Variants in PCDH11X observed in about 807,000 individuals in gnomAD.
PCDH11X encodes the protein protocadherin 11 X-linked.
PCDH11X carries 18 observed loss-of-function variants against 53.3 expected under a neutral mutation model. That is an observed-to-expected ratio of 0.34 (90% CI 0.23 to 0.50). The LOEUF is 0.50. Ranked by LOEUF, PCDH11X falls within the 20% of genes least tolerant of loss-of-function variation. PCDH11X has a pLI of 0.98. For missense variants in PCDH11X, 570 were observed against 1,032.4 expected (o/e 0.55, Z 6.14); for synonymous variants, 279 against 393.3 (o/e 0.71, Z 3.44).
chrX:91,976,897 G>T (rs2062054324), intron 6 of PCDH11X, among the ~76,000 whole-genome samples: 1 of 111,637 alleles, frequency 9.0e-6, no homozygotes, highest in Admixed American at 9.6e-5. Context: ...AATTATTTGT[G>T]ATCAGGTTAG....
chrX:92,214,210 T>C (rs936838896), intron 7 of PCDH11X, among the ~76,000 whole-genome samples: 1 of 111,802 alleles, frequency 8.9e-6, no homozygotes, highest in African/African-American at 3.2e-5. Context: ...GCATTTTGGG[T>C]GAAGGTATGA....
At chrX:91,837,596 T>C in intron 5 of PCDH11X, among the ~76,000 whole-genome samples, 1 of 111,751 alleles carries the variant, frequency 8.9e-6, no homozygotes, top group Middle Eastern at 4.7e-3. Flanking sequence ...ATGATAATTA[T>C]CACAGGGGCA....
chrX:92,579,356 A>G (rs1045860798), intron 10 of PCDH11X, among the ~76,000 whole-genome samples: 22 of 107,840 alleles, frequency 2.0e-4, no homozygotes, highest in Non-Finnish European at 3.1e-4. Flanking sequence ...ACTTGATTCC[A>G]TTTCCCTCCT....
At chrX:92,570,692 A>G (rs1316702021) in intron 10 of PCDH11X, among the ~76,000 whole-genome samples, 4 of 101,349 alleles carry the variant, frequency 3.9e-5, no homozygotes, top group East Asian at 6.1e-4. Context: ...GTACTCCAGC[A>G]TAATATTTTT....
At chrX:91,795,923 A>G (rs1400370081) in intron 1 of PCDH11X, among the ~76,000 whole-genome samples, 1 of 111,951 alleles carries the variant, frequency 8.9e-6, no homozygotes, top group East Asian at 2.8e-4. Context: ...TTGCTTATTT[A>G]CAGAAAAATA....
intron 6 of PCDH11X, among the ~76,000 whole-genome samples, chrX:91,941,083 A>C (rs1385965683): frequency 9.0e-6 from 1 of 111,159 alleles, no homozygotes; most frequent in Non-Finnish European, 1.9e-5. Flanking sequence ...TTGTAATTCA[A>C]AGGATAAATG....
intron 10 of PCDH11X, among the ~76,000 whole-genome samples, chrX:92,563,520 C>T (rs1486339791): frequency 9.0e-6 from 1 of 111,029 alleles, no homozygotes; most frequent in Non-Finnish European, 1.9e-5. Flanking sequence ...TCCTGGAAAC[C>T]TTACAGGCCA....
intron 6 of PCDH11X, among the ~76,000 whole-genome samples, chrX:92,154,390 G>T (rs906262368): frequency 1.8e-5 from 2 of 109,574 alleles, no homozygotes; most frequent in African/African-American, 6.9e-5. Context: ...ATCTAATTTT[G>T]TCAGTTTTTC....
chrX:92,172,280 A>G (rs766078400), intron 6 of PCDH11X, among the ~76,000 whole-genome samples: 4 of 106,516 alleles, frequency 3.8e-5, no homozygotes, highest in Non-Finnish European at 7.7e-5. Flanking sequence ...TATTTCATAG[A>G]TGTCCTTTAT....
chrX:92,584,034 CAAT>C (rs1332062876), intron 10 of PCDH11X, among the ~76,000 whole-genome samples: 74 of 109,743 alleles, frequency 6.7e-4, no homozygotes, highest in African/African-American at 2.4e-3. Flanking sequence ...TTTGATGAGA[CAAT>C]GATGAAATAA....
intron 6 of PCDH11X, among the ~76,000 whole-genome samples, chrX:92,180,807 T>A (rs1206781225): frequency 8.9e-6 from 1 of 111,764 alleles, no homozygotes; most frequent in Non-Finnish European, 1.9e-5. Context: ...CTTATGGCCT[T>A]CCGCCATGAT....
chrX:91,871,048 A>C (rs748590505), intron 5 of PCDH11X, among the ~76,000 whole-genome samples: 1 of 110,485 alleles, frequency 9.1e-6, no homozygotes, highest in East Asian at 2.8e-4. Flanking sequence ...GAAGTAGTGC[A>C]TAGACTCTAA....
chrX:91,886,845 C>A (rs1294874556), intron 6 of PCDH11X, among the ~76,000 whole-genome samples: 13 of 107,450 alleles, frequency 1.2e-4, no homozygotes, highest in African/African-American at 3.7e-4. Flanking sequence ...GTGGCGGGCG[C>A]CTGTAGTCCC....
chrX:92,070,117 T>C (rs1426209649), intron 6 of PCDH11X, among the ~76,000 whole-genome samples: 2 of 112,077 alleles, frequency 1.8e-5, no homozygotes, highest in African/African-American at 6.5e-5. Context: ...TATGTCTTAT[T>C]TTGCTGTGTC....
intron 6 of PCDH11X, among the ~76,000 whole-genome samples, chrX:92,097,153 C>T (rs5984879): frequency 0.014 from 1,586 of 111,272 alleles, 27 homozygotes; most frequent in African/African-American, 0.048. Context: ...CATGGTGGCT[C>T]ACACCTGTAA....
chrX:92,618,133 T>G (rs1374663928), intron 10 of PCDH11X, 131 bp from the exon 11 acceptor site: 1 of 860,035 alleles, frequency 1.2e-6, no homozygotes, highest in African/African-American at 2.1e-5. Context: ...ATACCAACTC[T>G]ATAAATAATG....
At chrX:92,038,239 T>A (rs1294806383) in intron 6 of PCDH11X, among the ~76,000 whole-genome samples, 3 of 106,515 alleles carry the variant, frequency 2.8e-5, no homozygotes, top group Non-Finnish European at 5.8e-5. Context: ...GTCCAGGGCA[T>A]GTTAGAGGTC....
intron 6 of PCDH11X, among the ~76,000 whole-genome samples, chrX:92,013,497 A>T: frequency 9.0e-6 from 1 of 111,588 alleles, no homozygotes; most frequent in East Asian, 2.8e-4. Context: ...CCATCAAGCT[A>T]CCAATGACTT....
At chrX:92,459,125 A>G in intron 9 of PCDH11X, among the ~76,000 whole-genome samples, 1 of 81,224 alleles carries the variant, frequency 1.2e-5, no homozygotes, top group Non-Finnish European at 2.4e-5. Context: ...CTCTCGAAAA[A>G]CTGGGTATAG....
Sources: gnomAD v4.1 joint callset for allele counts (sites outside exome capture counted in the v4.1 genomes callset) on GRCh38, gnomAD v4.1.1 for gene constraint, MANE v1.5 for transcripts, NCBI Gene and HGNC (gene_info 2026-07-23, HGNC 2026-07-21) for gene names.